DCAF1: variants seen among roughly 807,000 people sequenced by gnomAD.
DCAF1 encodes DDB1- and CUL4-associated factor 1.
In DCAF1, 15 loss-of-function variants were observed where a neutral mutation model predicts 128.0. The ratio of observed to expected loss-of-function variants is 0.12; its 90% CI spans 0.08 to 0.18. The LOEUF (loss-of-function observed/expected upper bound fraction) is 0.18, where lower values mean the gene tolerates loss of function less well. Among genes scored for constraint, DCAF1 ranks in the 10% least tolerant of loss-of-function variants. The probability of loss-of-function intolerance (pLI) is 1.00; values close to 1 mark genes in which losing one functional copy is unlikely to be tolerated. For synonymous variants in DCAF1, 610 were observed against 603.0 expected (o/e 1.01, Z -0.17); for missense variants, 988 against 1,649.5 (o/e 0.60, Z 6.95).
chr3:51,453,384 T>C (rs1702548741), intron 6 of DCAF1, among the ~76,000 whole-genome samples: 1 of 152,010 alleles, frequency 6.6e-6, no homozygotes, highest in South Asian at 2.1e-4. Context: ...TCCCAGCACT[T>C]TGGGAGGCTG....
chr3:51,418,957 G>A, intron 15 of DCAF1, 81 bp from the exon 16 acceptor site: 2 of 1,452,070 alleles, frequency 1.4e-6, no homozygotes, highest in South Asian at 1.5e-5. Context: ...AGAAGAAAAA[G>A]CACAGAACAT....
chr3:51,496,576 A>G (rs1166431204), intron 2 of DCAF1, among the ~76,000 whole-genome samples, 158 bp downstream of exon 2: 1 of 151,852 alleles, frequency 6.6e-6, no homozygotes, highest in Non-Finnish European at 1.5e-5. Context: ...ACAGACATTG[A>G]GCTAAGTAAT....
chr3:51,412,275 G>C (rs1195495922), intron 23 of DCAF1, 104 bp downstream of exon 23: 11 of 1,511,564 alleles, frequency 7.3e-6, no homozygotes, highest in Non-Finnish European at 9.8e-6. Context: ...TGTGGCAACA[G>C]GTAGCAAAGG....
At chr3:51,453,470 A>G (rs112533901) in intron 6 of DCAF1, among the ~76,000 whole-genome samples, 1 of 151,992 alleles carries the variant, frequency 6.6e-6, no homozygotes, top group Admixed American at 6.6e-5. Context: ...TCTACAAAAA[A>G]ATTTTTAAAA....
At position 51,403,378 on chromosome 3, in the gene DCAF1, C is replaced by T; in HGVS notation, c.4230G>A (p.Glu1410=). 2 of 1,552,406 alleles carry T rather than the reference C, an allele frequency of 1.3e-6. No individual in the cohort carries two copies. Among genetic ancestry groups the T allele is most frequent in the Non-Finnish European group, 1.7e-6 (2 of 1,147,242 alleles). Residue 1410 remains glutamate (E), a synonymous_variant, in exon 24 of 25, where the codon GAG becomes GAA. Coordinates refer to ENST00000684031, the MANE Select transcript of DCAF1 (RefSeq NM_001387579.1). ...EEEDQEEEEQ[E]EEDDDEDDDD... ...CATCATCTTCATCATCATCTTCTTC[C>T]TCCTGTTCTTCCTCTTCCTGGTAAG...
At chr3:51,426,881 G>A (rs541811604) in intron 13 of DCAF1, among the ~76,000 whole-genome samples, 1 of 152,230 alleles carries the variant, frequency 6.6e-6, no homozygotes, top group Non-Finnish European at 1.5e-5. Flanking sequence ...CCAGTTTCCT[G>A]ATTACATCAG....
chr3:51,414,186 T>C lies in DCAF1; in HGVS notation c.3838-143A>G, dbSNP rs1007124808. 1.1e-5 allele frequency: 13 copies of C among 1,142,566 alleles called. No individual in the cohort carries two copies. In the East Asian group the frequency reaches 3.1e-4, roughly 27 times the overall value. 70.8% of individuals were successfully genotyped at this position (1,142,566 alleles called of 1,614,324 possible). A position where few individuals can be genotyped will look rare whatever the true frequency, so the allele number is the denominator to read the frequency against. ...ATGAGATCAAGGTAAAACAAATACA[T>C]GTAGAATGCATATTATTGAATGATG... On this transcript the variant is annotated intron_variant, in intron 19 of 24. Coordinates refer to ENST00000684031, the MANE Select transcript of DCAF1 (RefSeq NM_001387579.1).
chr3:51,435,001 A>C (rs1171586233), intron 9 of DCAF1, among the ~76,000 whole-genome samples: 2 of 152,214 alleles, frequency 1.3e-5, no homozygotes, highest in Non-Finnish European at 2.9e-5. Flanking sequence ...TATCTGCACA[A>C]ATCTCACCAA....
Position 51,398,718 on chromosome 3 carries a change from T to C in DCAF1, c.*51A>G. 3 of 1,556,174 alleles carry C rather than the reference T, an allele frequency of 1.9e-6. No individual in the cohort carries two copies. Among genetic ancestry groups the C allele is most frequent in the Non-Finnish European group, 1.7e-6 (2 of 1,150,294 alleles). ...AGAAGGGAATATGTTCTGAATTCAT[T>C]TGACTCAGTTTCTCGCCTGCCAAGA... On this transcript the variant is annotated 3_prime_UTR_variant, in exon 25 of 25. Transcript: ENST00000684031.
chr3:51,421,031 T>A (rs1553632385), intron 14 of DCAF1, 34 bp from the exon 15 acceptor site: 1 of 1,566,876 alleles, frequency 6.4e-7, no homozygotes, highest in East Asian at 2.3e-5. Flanking sequence ...TTATTCACCA[T>A]AAAACTAATG....
intron 2 of DCAF1, among the ~76,000 whole-genome samples, chr3:51,485,519 T>A (rs1706828283): frequency 6.6e-6 from 1 of 152,228 alleles, no homozygotes; most frequent in African/African-American, 2.4e-5. Flanking sequence ...TTTGACAGGT[T>A]ATGGCATCAA....
intron 5 of DCAF1, among the ~76,000 whole-genome samples, chr3:51,463,960 T>A (rs781887483): frequency 2.0e-5 from 3 of 152,016 alleles, no homozygotes; most frequent in Non-Finnish European, 4.4e-5. Context: ...TCTCAAGTGA[T>A]CCTCCAGCTT....
At chr3:51,444,968 C>G (rs368584732) in intron 6 of DCAF1, among the ~76,000 whole-genome samples, 1 of 152,294 alleles carries the variant, frequency 6.6e-6, no homozygotes, top group Admixed American at 6.5e-5. Flanking sequence ...AGCCACCATG[C>G]CCGGCCCCCA....
chr3:51,423,207 G>A (rs1020178839), intron 13 of DCAF1, among the ~76,000 whole-genome samples: 3 of 152,158 alleles, frequency 2.0e-5, no homozygotes, highest in Middle Eastern at 3.2e-3. Context: ...AAATAATCAG[G>A]CCAGGGCCAG....
chr3:51,449,000 A>C (rs1553640904), intron 6 of DCAF1, among the ~76,000 whole-genome samples: 1 of 152,098 alleles, frequency 6.6e-6, no homozygotes, highest in African/African-American at 2.4e-5. Flanking sequence ...AATCTTTTCT[A>C]GTCAAAATGG....
At chr3:51,439,929 T>G (rs569300187) in intron 9 of DCAF1, among the ~76,000 whole-genome samples, 49 of 151,516 alleles carry the variant, frequency 3.2e-4, no homozygotes, top group African/African-American at 1.0e-3. Flanking sequence ...GAAGCGGAGG[T>G]TCCAGTGAGC....
intron 10 of DCAF1, among the ~76,000 whole-genome samples, chr3:51,431,023 C>T (rs782624041): frequency 3.3e-5 from 5 of 152,082 alleles, no homozygotes; most frequent in Admixed American, 6.6e-5. Flanking sequence ...CTACAAAACA[C>T]GCAAAAATTA....
chr3:51,418,914 T>C (rs1553631509), intron 15 of DCAF1, 38 bp from the exon 16 acceptor site: 6 of 1,543,222 alleles, frequency 3.9e-6, no homozygotes, highest in Admixed American at 2.1e-5. Context: ...GCAAAGAATG[T>C]GCAGGGACTC....
Position 51,441,664 on chromosome 3 carries a change from A to G in DCAF1, c.747T>C (p.Thr249=). The change falls in exon 8 of 25, where the codon ACT becomes ACC. Residue 249 remains threonine, a synonymous_variant. Coordinates refer to ENST00000684031, the MANE Select transcript of DCAF1 (RefSeq NM_001387579.1). The stretch of plus-strand genomic sequence containing the variant: ...TGGTTGTTGAGTTCACTCTGCTACT[A>G]GTCTTGTGGCCTGAATCAAGATGAA... ...ISFHLDSGHK[T]SSRVNSTTKP... 2 of 1,613,946 alleles carry G rather than the reference A, an allele frequency of 1.2e-6. No individual in the cohort carries two copies. The highest frequency in any genetic ancestry group is 1.7e-6 in the Non-Finnish European group (2 of 1,179,870).
Sources: gnomAD v4.1 joint callset for allele counts (sites outside exome capture counted in the v4.1 genomes callset) on GRCh38, gnomAD v4.1.1 for gene constraint, MANE v1.5 for transcripts, NCBI Gene and HGNC (gene_info 2026-07-23, HGNC 2026-07-21) for gene names.